NCOA3: variants seen among roughly 807,000 people sequenced by gnomAD.
NCOA3 encodes the protein nuclear receptor coactivator 3.
A neutral mutation model predicts 158.8 loss-of-function variants in NCOA3; 51 were observed. That is an observed-to-expected ratio of 0.32 (90% CI 0.26 to 0.41). The LOEUF (loss-of-function observed/expected upper bound fraction) is 0.41, where lower values mean the gene tolerates loss of function less well. Ranked by LOEUF, NCOA3 falls within the 10% of genes least tolerant of loss-of-function variation. The pLI, the probability that NCOA3 is intolerant of heterozygous loss-of-function variation, is 1.00. For missense variants in NCOA3, 1,510 were observed against 1,746.6 expected (o/e 0.86, Z 2.41); for synonymous variants, 537 against 592.4 (o/e 0.91, Z 1.36).
At chr20:47,564,961 C>T (rs953987779) in intron 1 of NCOA3, among the ~76,000 whole-genome samples, 7 of 151,578 alleles carry the variant, frequency 4.6e-5, no homozygotes, top group African/African-American at 1.7e-4. Flanking sequence ...GAGATGTTTT[C>T]TTTCTGTTAC....
In NCOA3 at chr20:47,636,046, A is replaced by G. The variant is rs769554670; in HGVS notation, c.1660A>G (p.Met554Val). 1 of 1,614,188 alleles carries G rather than the reference A, an allele frequency of 6.2e-7. No homozygotes were observed. The highest frequency in any genetic ancestry group is 1.1e-5 in the South Asian group (1 of 91,082). Reference protein sequence around the residue: ...PGPKLDNSPNMNITQPSKVSN... With the variant: ...PGPKLDNSPNVNITQPSKVSN... ...CCCCAAATTGGATAACTCTCCCAAT[A>G]TGAATATTACCCAACCAAGTAAAGT... Residue 554 changes from methionine to valine, a missense_variant, in exon 12 of 23, where the codon ATG becomes GTG. By Grantham distance (21) the Met-to-Val change is conservative. Around this residue, in one of 4 missense-constraint regions of NCOA3, gnomAD observed 1,017 missense variants for 1,098.3 expected, o/e 0.93. Coordinates refer to ENST00000371998, the MANE Select transcript of NCOA3 (RefSeq NM_181659.3).
intron 2 of NCOA3, among the ~76,000 whole-genome samples, chr20:47,607,910 G>T (rs569302994): frequency 5.2e-4 from 79 of 152,178 alleles, no homozygotes; most frequent in Non-Finnish European, 9.6e-4. Context: ...ATTAAGTCAG[G>T]TAATTATATG....
At position 47,614,420 on chromosome 20, in the gene NCOA3, A is replaced by T. The variant is rs150464941; in HGVS notation, c.-19-7809A>T. 3.9e-5 allele frequency among the ~76,000 whole-genome samples: 6 copies of T among 152,320 alleles called. 1 individual carries two copies. The East Asian group carries it at 1.2e-3, about 29-fold the overall frequency. ...TGACTTGAGCAGTCTCTGCTTTTGC[A>T]TAGTGCTTGAAGCAGTTTTTAATAA... On this transcript the variant is annotated intron_variant, in intron 2 of 22. Coordinates refer to ENST00000371998, the MANE Select transcript of NCOA3 (RefSeq NM_181659.3).
At chr20:47,596,408 C>T (rs957177637) in intron 2 of NCOA3, among the ~76,000 whole-genome samples, 3 of 152,098 alleles carry the variant, frequency 2.0e-5, no homozygotes, top group African/African-American at 7.2e-5. Flanking sequence ...TTCAAATCTG[C>T]AATTGATAAA....
chr20:47,600,209 G>A (rs930725202), intron 2 of NCOA3, among the ~76,000 whole-genome samples: 6 of 150,168 alleles, frequency 4.0e-5, no homozygotes, highest in Non-Finnish European at 7.4e-5. Flanking sequence ...GAGTCTTGCT[G>A]TGTTGCCCAG....
At chr20:47,510,676 C>T (rs2084106502) in intron 1 of NCOA3, among the ~76,000 whole-genome samples, 1 of 151,978 alleles carries the variant, frequency 6.6e-6, no homozygotes, top group African/African-American at 2.4e-5. Flanking sequence ...TCACTGCAGC[C>T]TTGACCTACT....
At chr20:47,544,467 T>A (rs1268244102) in intron 1 of NCOA3, among the ~76,000 whole-genome samples, 1 of 151,962 alleles carries the variant, frequency 6.6e-6, no homozygotes, top group East Asian at 1.9e-4. Flanking sequence ...TGTGTCAGCA[T>A]GCCTGACTAA....
At chr20:47,522,926 C>A (rs1464186293) in intron 1 of NCOA3, among the ~76,000 whole-genome samples, 1 of 151,208 alleles carries the variant, frequency 6.6e-6, no homozygotes, top group African/African-American at 2.4e-5. Context: ...CGCGGTGGCT[C>A]ACCCCTGTAA....
chr20:47,568,859 A>G (rs1004571229), intron 1 of NCOA3, among the ~76,000 whole-genome samples: 3 of 152,058 alleles, frequency 2.0e-5, no homozygotes, highest in Non-Finnish European at 4.4e-5. Flanking sequence ...TAAGCTGTAA[A>G]TCTTGCTGGG....
In NCOA3 at chr20:47,634,173, G is replaced by T; in HGVS notation, c.1090G>T (p.Val364Phe). 7 of 1,613,996 alleles carry T rather than the reference G, an allele frequency of 4.3e-6. No individual in the cohort carries two copies. The highest frequency in any genetic ancestry group is 5.9e-6 in the Non-Finnish European group (7 of 1,180,004). ...NPVTNDRHGF[V>F]STHFLQREQN... ...TGTAACAAATGATCGACATGGCTTT[G>T]TCTCAACCCACTTCCTTCAGAGGTA... Residue 364 changes from valine to phenylalanine, a missense_variant, in exon 10 of 23, where the codon GTC becomes TTC. Physicochemically the swap from Val to Phe is conservative, Grantham distance 50. Coordinates refer to ENST00000371998, the MANE Select transcript of NCOA3 (RefSeq NM_181659.3).
chr20:47,591,474 A>G (rs1321974526), intron 2 of NCOA3, among the ~76,000 whole-genome samples: 2 of 152,024 alleles, frequency 1.3e-5, no homozygotes, highest in East Asian at 1.9e-4. Context: ...AGCAGAAGCC[A>G]TCACCCATTT....
At chr20:47,507,434 T>A (rs2146043699) in intron 1 of NCOA3, among the ~76,000 whole-genome samples, 1 of 152,276 alleles carries the variant, frequency 6.6e-6, no homozygotes, top group Non-Finnish European at 1.5e-5. Flanking sequence ...AGCTCTTGGT[T>A]TATGTCGACA....
chr20:47,526,536 A>C (rs1267656396), intron 1 of NCOA3, among the ~76,000 whole-genome samples: 1 of 152,192 alleles, frequency 6.6e-6, no homozygotes, highest in Admixed American at 6.5e-5. Context: ...AGGCTGGCGG[A>C]TCACTTGTGG....
intron 2 of NCOA3, among the ~76,000 whole-genome samples, chr20:47,591,893 G>T (rs976079173): frequency 6.6e-6 from 1 of 152,002 alleles, no homozygotes; most frequent in Admixed American, 6.6e-5. Flanking sequence ...TATTTATCCT[G>T]CATGGTATTC....
At chr20:47,506,778 A>T (rs564136828) in intron 1 of NCOA3, among the ~76,000 whole-genome samples, 137 of 151,226 alleles carry the variant, frequency 9.1e-4, no homozygotes, top group African/African-American at 3.1e-3. Context: ...CTTTTTTTTT[A>T]AATTTTCTGT....
chr20:47,633,778 ACAC>A (rs2086461232), intron 9 of NCOA3, 142 bp downstream of exon 9: 2 of 939,252 alleles, frequency 2.1e-6, no homozygotes, highest in Non-Finnish European at 3.2e-6. Context: ...CTGCAGGTGC[ACAC>A]CACCATACCT....
chr20:47,639,782 G>A lies in NCOA3; in HGVS notation c.2913G>A (p.Ala971=), dbSNP rs767740617. ...TTCGGTCTAATAGCATACCAGGTGC[G>A]AGACCAGTATTGCAACAGCAGCAGC... ...LPLRSNSIPG[A]RPVLQQQQQM... The change falls in exon 15 of 23, where the codon GCG becomes GCA. Residue 971 remains alanine, a synonymous_variant. Transcript: ENST00000371998. The A allele has an allele frequency of 2.5e-6, 4 of 1,614,152 alleles. No individual in the cohort carries two copies. Among genetic ancestry groups the A allele is most frequent in the East Asian group, 2.2e-5 (1 of 44,884 alleles).
chr20:47,515,665 A>G (rs578067236), intron 1 of NCOA3, among the ~76,000 whole-genome samples: 1 of 151,688 alleles, frequency 6.6e-6, no homozygotes, highest in South Asian at 2.1e-4. Context: ...TTTATTTTTT[A>G]GTAGAGACGG....
chr20:47,590,473 G>A (rs1317381613), intron 2 of NCOA3, among the ~76,000 whole-genome samples: 1 of 151,756 alleles, frequency 6.6e-6, no homozygotes, highest in Non-Finnish European at 1.5e-5. Context: ...ATGCGCCACC[G>A]CTCTCAAATG....
Sources: allele counts gnomAD v4.1 joint callset (sites outside exome capture counted in the v4.1 genomes callset), GRCh38; gene constraint gnomAD v4.1.1; regional missense constraint gnomAD v4.1.1; transcripts MANE v1.5; gene names NCBI Gene and HGNC (gene_info 2026-07-23, HGNC 2026-07-21).